Variants in PARP9 observed in about 807,000 individuals in gnomAD.
PARP9 encodes the protein poly(ADP-ribose) polymerase family member 9.
In PARP9, 48 loss-of-function variants were observed where a neutral mutation model predicts 68.8. That is an observed-to-expected ratio of 0.70 (90% CI 0.55 to 0.89). The LOEUF (loss-of-function observed/expected upper bound fraction) is 0.89. PARP9 is among the 40% of genes least tolerant of loss of function. PARP9 has a pLI of 0.00. For synonymous variants in PARP9, 309 were observed against 333.8 expected (o/e 0.93, Z 0.81); for missense variants, 806 against 969.3 (o/e 0.83, Z 2.24).
At chr3:122,563,354 G>A (rs1258705423) in intron 1 of PARP9, among the ~76,000 whole-genome samples, 2 of 152,110 alleles carry the variant, frequency 1.3e-5, no homozygotes, top group Non-Finnish European at 1.5e-5. Flanking sequence ...TTGCAAAGAC[G>A]TGGTATGATA....
chr3:122,539,507 A>ATTTATTTC (rs1553714535), intron 8 of PARP9, among the ~76,000 whole-genome samples: 21 of 133,164 alleles, frequency 1.6e-4, no homozygotes, highest in African/African-American at 5.0e-4. Context: ...CCAAGATGGC[A>ATTTATTTC]TTTCTTTCTT....
rs1177248789 is a variant in PARP9, at chr3:122,539,567, CTTT to C, written c.1765+902_1765+904del. Among the ~76,000 whole-genome samples, 218 of 86,732 alleles carry C rather than the reference CTTT, an allele frequency of 2.5e-3. 2 individuals carry two copies. Among genetic ancestry groups the C allele is most frequent in the South Asian group, 0.018 (46 of 2,582 alleles). 56.9% of individuals were successfully genotyped at this position (86,732 alleles called of 152,430 possible). ...TCTTTCTTTCTTTCTTTCTTTCTTT[CTTT>C]TTTTTTTGAGACAGAGTTTCGCTTT... is the stretch of plus-strand genomic sequence containing the variant. On this transcript the variant is annotated intron_variant, in intron 8 of 10. Coordinates refer to ENST00000682323, the MANE Select transcript of PARP9 (RefSeq NM_001146105.2).
At chr3:122,533,912 A>G in intron 10 of PARP9, 1 of 985,482 alleles carries the variant, frequency 1.0e-6, no homozygotes, top group Non-Finnish European at 1.2e-6. Flanking sequence ...AAAAGCTAAG[A>G]GCTTTTGTAC....
chr3:122,558,380 G>A (rs932570276), intron 3 of PARP9, 54 bp downstream of exon 3: 21 of 1,614,050 alleles, frequency 1.3e-5, no homozygotes, highest in Middle Eastern at 1.6e-4. Flanking sequence ...CTCCACTGAG[G>A]AAAGATCTGA....
At chr3:122,535,879 C>T (rs907939228) in intron 10 of PARP9, 145 of 1,232,438 alleles carry the variant, frequency 1.2e-4, no homozygotes, top group Non-Finnish European at 1.3e-4. Context: ...GTGTTCTCTG[C>T]GGATAGGACA....
At chr3:122,564,741 A>C (rs980439699), upstream of PARP9, 48 of 1,203,326 alleles carry the variant, frequency 4.0e-5, 1 homozygote, top group Non-Finnish European at 3.5e-5. Context: ...GGTGGCGGAC[A>C]GGGACGGGGC....
At chr3:122,535,025 A>G in intron 10 of PARP9, 1 of 979,266 alleles carries the variant, frequency 1.0e-6, no homozygotes, top group Non-Finnish European at 1.2e-6. Flanking sequence ...TGGGTAGGCA[A>G]GTAGCAGAGT....
intron 1 of PARP9, among the ~76,000 whole-genome samples, chr3:122,562,857 A>G (rs148008196): frequency 1.0e-3 from 156 of 152,346 alleles, no homozygotes; most frequent in African/African-American, 3.7e-3. Context: ...TGGGCATTAA[A>G]GAGTTCCCTA....
At chr3:122,552,311 C>G in intron 5 of PARP9, 107 bp downstream of exon 5, 1 of 876,708 alleles carries the variant, frequency 1.1e-6, no homozygotes, top group Non-Finnish European at 1.7e-6. Context: ...AACTATACCA[C>G]TTGACAAAAT....
In PARP9 at chr3:122,528,619, G is replaced by C. The variant is rs1354603516; in HGVS notation, c.2205C>G (p.Phe735Leu). ...YVFEAEVLTG[F>L]FCQGHPLNIV... ...TATTTAACGGATGTCCCTGGCAGAA[G>C]AAGCCTGTGAGTACTTCAGCCTCAA... The change falls in exon 11 of 11, where the codon TTC (phenylalanine) becomes TTG (leucine). Residue 735 changes from phenylalanine (F) to leucine (L), a missense_variant. Coordinates refer to ENST00000682323, the MANE Select transcript of PARP9 (RefSeq NM_001146105.2). The C allele has an allele frequency of 6.2e-7, 1 of 1,614,210 alleles. No homozygotes were observed.
At chr3:122,550,456 AACACCACC>A in intron 6 of PARP9, 120 bp downstream of exon 6, 1 of 750,476 alleles carries the variant, frequency 1.3e-6, no homozygotes. Flanking sequence ...ACCAAGTTAG[AACACCACC>A]ACACTGTACA....
rs572943610 is a variant in PARP9, at chr3:122,535,253, G to T, written c.2080+915C>A. On this transcript the variant is annotated intron_variant, in intron 10 of 10. Coordinates refer to ENST00000682323, the MANE Select transcript of PARP9 (RefSeq NM_001146105.2). ...TTGCCCCAAAAGGCTTCTTGGTAGGGATTCATTTCTCTATTTTTATCCCCA... is the reference window on the plus strand; with the variant it reads ...TTGCCCCAAAAGGCTTCTTGGTAGGTATTCATTTCTCTATTTTTATCCCCA... The T allele has an allele frequency of 1.0e-4, 102 of 985,200 alleles. No homozygotes were observed. The South Asian group carries it at 4.2e-3, about 40-fold the overall frequency. 61.0% of individuals were successfully genotyped at this position (985,200 alleles called of 1,614,324 possible).
At chr3:122,540,262 T>A (rs2078092231) in intron 8 of PARP9, among the ~76,000 whole-genome samples, 1 of 152,168 alleles carries the variant, frequency 6.6e-6, no homozygotes, top group African/African-American at 2.4e-5. Flanking sequence ...TAAATAAAAT[T>A]GTGTTTGTGT....
At position 122,550,651 on chromosome 3, in the gene PARP9, T is replaced by C; in HGVS notation, c.1259A>G (p.Lys420Arg). 6.2e-7 allele frequency: 1 copy of C among 1,614,072 alleles called. No homozygotes were observed. The highest frequency in any genetic ancestry group is 8.5e-7 in the Non-Finnish European group (1 of 1,180,026). The change falls in exon 6 of 11, where the codon AAA becomes AGA. Residue 420 changes from lysine (K) to arginine (R), a missense_variant. Transcript: ENST00000682323. The part of the protein sequence containing the change: ...ILFDEVLTFA[K>R]DHVKHQLTVK... ...AGTTAACTGGTGTTTTACATGGTCT[T>C]TGGCAAATGTTAAAACTTCATCAAA...
At position 122,552,401 on chromosome 3, in the gene PARP9, A is replaced by G. The variant is rs2079283259; in HGVS notation, c.1107+17T>C. Reference sequence around the variant, plus strand: ...AGACTATGGAGCTAAATAAAGCCACATTTATTTTAAACTTACCTGAGGTTT... The same window carrying G: ...AGACTATGGAGCTAAATAAAGCCACGTTTATTTTAAACTTACCTGAGGTTT... On this transcript the variant is annotated intron_variant, in intron 5 of 10. Transcript: ENST00000682323. 5 of 1,566,732 alleles carry G rather than the reference A, an allele frequency of 3.2e-6. No individual in the cohort carries two copies. The highest frequency in any genetic ancestry group is 1.4e-5 in the African/African-American group (1 of 73,840).
Position 122,528,670 on chromosome 3 carries a change from A to G in PARP9, c.2154T>C (p.Ser718=). ...KNLAEKAKKI[S]AADKLIYVFE... is the part of the protein sequence containing the mutation. ...ACACATAGATCAGCTTATCTGCAGC[A>G]GAGATTTTCTTGGCCTTCTCTGCCA... The change falls in exon 11 of 11, where the codon TCT becomes TCC. Residue 718 remains serine, a synonymous_variant. Coordinates refer to ENST00000682323, the MANE Select transcript of PARP9 (RefSeq NM_001146105.2). 1 of 1,614,192 alleles carries G rather than the reference A, an allele frequency of 6.2e-7. No homozygotes were observed. The highest frequency in any genetic ancestry group is 8.5e-7 in the Non-Finnish European group (1 of 1,180,014).
intron 10 of PARP9, chr3:122,535,022 G>T: frequency 1.0e-6 from 1 of 978,814 alleles, no homozygotes; most frequent in Non-Finnish European, 1.2e-6. Flanking sequence ...TGTTGGGTAG[G>T]CAAGTAGCAG....
intron 7 of PARP9, among the ~76,000 whole-genome samples, chr3:122,544,024 A>G (rs763825373): frequency 9.9e-5 from 15 of 152,246 alleles, no homozygotes; most frequent in Non-Finnish European, 2.1e-4. Context: ...GATTAATGAC[A>G]TACAGACCTT....
intron 9 of PARP9, 120 bp from the exon 10 acceptor site, chr3:122,536,462 G>A (rs553776446): frequency 8.3e-6 from 12 of 1,444,594 alleles, no homozygotes; most frequent in Middle Eastern, 2.2e-4. Context: ...CATGCAATTC[G>A]CTTTTCATAG....
Sources: allele counts gnomAD v4.1 joint callset (sites outside exome capture counted in the v4.1 genomes callset), GRCh38; gene constraint gnomAD v4.1.1; transcripts MANE v1.5; gene names NCBI Gene and HGNC (gene_info 2026-07-23, HGNC 2026-07-21).